Variants in PDPR observed in about 807,000 individuals in gnomAD.
PDPR encodes pyruvate dehydrogenase phosphatase regulatory subunit, mitochondrial.
In PDPR, 50 loss-of-function variants were observed where a neutral mutation model predicts 102.2. The observed-to-expected ratio is 0.49, with a 90% CI of 0.39 to 0.62. The LOEUF (loss-of-function observed/expected upper bound fraction) is 0.62. PDPR is among the 20% of genes least tolerant of loss of function. The pLI, the probability that PDPR is intolerant of heterozygous loss-of-function variation, is 0.00. For synonymous variants in PDPR, 259 were observed against 406.0 expected (o/e 0.64, Z 4.35); for missense variants, 625 against 1,098.2 (o/e 0.57, Z 6.09).
rs1967328018 is a variant in PDPR at position 70,157,297 on chromosome 16, C to T, written c.*418C>T. ...TTGGGTTCCATTTTCTTGGAGCAGCCTATTAGTTCTGGTGGGGTTGCCGTG... is the reference window on the plus strand; with the variant it reads ...TTGGGTTCCATTTTCTTGGAGCAGCTTATTAGTTCTGGTGGGGTTGCCGTG... On this transcript the variant is annotated 3_prime_UTR_variant, in exon 19 of 19. Coordinates refer to ENST00000288050, the MANE Select transcript of PDPR (RefSeq NM_017990.5). The T allele has an allele frequency of 2.3e-6, 1 of 436,122 alleles. No homozygotes were observed. The highest frequency in any genetic ancestry group is 2.6e-5 in the Admixed American group (1 of 38,262). 27.0% of individuals were successfully genotyped at this position (436,122 alleles called of 1,614,324 possible). A position where few individuals can be genotyped will look rare whatever the true frequency, so the allele number is the denominator to read the frequency against.
At chr16:70,156,454 G>T in intron 18 of PDPR, 21 bp from the exon 19 acceptor site, 1 of 1,610,856 alleles carries the variant, frequency 6.2e-7, no homozygotes, top group South Asian at 1.1e-5. Flanking sequence ...TGGATGACTC[G>T]GCGTTTCCTT....
intron 11 of PDPR, among the ~76,000 whole-genome samples, chr16:70,140,958 G>A (rs1220932031): frequency 6.6e-6 from 1 of 152,250 alleles, no homozygotes; most frequent in African/African-American, 2.4e-5. Context: ...AAGCCTTGAT[G>A]TGCCTTTTGT....
intron 9 of PDPR, among the ~76,000 whole-genome samples, chr16:70,134,251 A>C (rs1184968793): frequency 6.6e-6 from 1 of 151,914 alleles, no homozygotes; most frequent in Non-Finnish European, 1.5e-5. Context: ...TTTGAGATGG[A>C]GTCTTGCTCT....
chr16:70,119,129 G>C (rs1446116710), intron 2 of PDPR, among the ~76,000 whole-genome samples: 1 of 152,056 alleles, frequency 6.6e-6, no homozygotes, highest in African/African-American at 2.4e-5. Flanking sequence ...CTTGAAACTT[G>C]AACAGTCATC....
At chr16:70,145,042 C>T in intron 15 of PDPR, among the ~76,000 whole-genome samples, 1 of 152,194 alleles carries the variant, frequency 6.6e-6, no homozygotes, top group Non-Finnish European at 1.5e-5. Flanking sequence ...ATCATGAGGT[C>T]AGGAATTTGA....
chr16:70,156,717 A>G lies in PDPR; in HGVS notation c.2478A>G (p.Glu826=). Residue 826 remains glutamate, a synonymous_variant, in exon 19 of 19, where the codon GAA becomes GAG. Coordinates refer to ENST00000288050, the MANE Select transcript of PDPR (RefSeq NM_017990.5). ...ACAATTTTTCTGAGGACACGGGGGA[A>G]GAGCAAGTGGTGACAGCAGATTTCA... ...FVHNFSEDTG[E]EQVVTADFIN... 3 of 1,613,966 alleles carry G rather than the reference A, an allele frequency of 1.9e-6. No individual in the cohort carries two copies. Among genetic ancestry groups the G allele is most frequent in the Non-Finnish European group, 2.5e-6 (3 of 1,179,918 alleles).
chr16:70,156,285 C>T (rs1967177499), intron 18 of PDPR, 190 bp from the exon 19 acceptor site: 8 of 660,196 alleles, frequency 1.2e-5, no homozygotes, highest in East Asian at 2.8e-5. Flanking sequence ...ATTACCGCGG[C>T]GTCTTTTATA....
At chr16:70,146,326 A>G (rs1966238563) in intron 16 of PDPR, 98 bp downstream of exon 16, 6 of 1,585,390 alleles carry the variant, frequency 3.8e-6, no homozygotes, top group Middle Eastern at 1.7e-4. Context: ...AGCACCCACA[A>G]AGAGTGTCTT....
rs533545821 is a variant in PDPR at position 70,125,671 on chromosome 16, G to A, written c.228-1589G>A. ...TTTTTTTAAGATGGAGTCTTGCTCT[G>A]TCACCCAGGCTGTAGTGCAGTGGTG... On this transcript the variant is annotated intron_variant, in intron 3 of 18. Coordinates refer to ENST00000288050, the MANE Select transcript of PDPR (RefSeq NM_017990.5). Among the ~76,000 whole-genome samples, 4 of 150,182 alleles carry A rather than the reference G, an allele frequency of 2.7e-5. No homozygotes were observed. In the Admixed American group the frequency reaches 2.7e-4, roughly 10 times the overall value.
rs1306217313 is a variant in PDPR at position 70,120,587 on chromosome 16, C to T, written c.95C>T (p.Ala32Val). Residue 32 changes from alanine (A) to valine (V), a missense_variant, in exon 3 of 19, where the codon GCC becomes GTC. Coordinates refer to ENST00000288050, the MANE Select transcript of PDPR (RefSeq NM_017990.5). ...TCTGCAAGAAACAGCACGTCAGCTG[C>T]CGAGGCGCGTTCCATGGCCCTGCCC... ...WSSARNSTSA[A>V]EARSMALPTQ... 2 of 1,613,974 alleles carry T rather than the reference C, an allele frequency of 1.2e-6. No individual in the cohort carries two copies. Among genetic ancestry groups the T allele is most frequent in the Non-Finnish European group, 1.7e-6 (2 of 1,179,862 alleles).
intron 16 of PDPR, among the ~76,000 whole-genome samples, chr16:70,147,364 T>G (rs1230412491): frequency 2.0e-5 from 3 of 152,274 alleles, no homozygotes; most frequent in Admixed American, 1.3e-4. Context: ...TGGATTAAAA[T>G]TTGAAGTTAC....
At chr16:70,152,656 C>G (rs912586109) in intron 17 of PDPR, among the ~76,000 whole-genome samples, 9 of 152,412 alleles carry the variant, frequency 5.9e-5, no homozygotes, top group African/African-American at 2.2e-4. Flanking sequence ...TGGTTCTTTG[C>G]TACGTCTTGC....
At chr16:70,148,597 CT>C in intron 17 of PDPR, 44 bp downstream of exon 17, 1 of 1,345,114 alleles carries the variant, frequency 7.4e-7, no homozygotes, top group Non-Finnish European at 9.9e-7. Flanking sequence ...CTTCCCTTCC[CT>C]TCCCTTCCCT....
Position 70,157,066 on chromosome 16 carries a change from C to CA in PDPR, c.*188dup. The CA allele has an allele frequency of 1.2e-6, 1 of 816,220 alleles. No homozygotes were observed. The highest frequency in any genetic ancestry group is 2.0e-6 in the Non-Finnish European group (1 of 491,048). 50.6% of individuals were successfully genotyped at this position (816,220 alleles called of 1,614,324 possible). Reference sequence around the variant, plus strand: ...TGCTCTGCAGCCTTCCTTGCCCTTCCACCTCCTCCTCCTAATATTCACTCT... The same window carrying CA: ...TGCTCTGCAGCCTTCCTTGCCCTTCCAACCTCCTCCTCCTAATATTCACTCT... On this transcript the variant is annotated 3_prime_UTR_variant, in exon 19 of 19. Coordinates refer to ENST00000288050, the MANE Select transcript of PDPR (RefSeq NM_017990.5).
chr16:70,142,644 G>T lies in PDPR; in HGVS notation c.1563G>T (p.Val521=), dbSNP rs1417280274. The change falls in exon 13 of 19, where the codon GTG becomes GTT. Residue 521 remains valine, a synonymous_variant. Coordinates refer to ENST00000288050, the MANE Select transcript of PDPR (RefSeq NM_017990.5). ...AAGTCAAGTGCTGTAAGGAAGCTGT[G>T]TGTGTCATTGACATGTCCTCTTTCA... ...ESEVKCCKEA[V]CVIDMSSFTK... 6.2e-7 allele frequency: 1 copy of T among 1,614,100 alleles called. No individual in the cohort carries two copies. The highest frequency in any genetic ancestry group is 2.2e-5 in the East Asian group (1 of 44,892).
intron 3 of PDPR, among the ~76,000 whole-genome samples, chr16:70,124,224 G>A (rs1436895012): frequency 3.9e-5 from 6 of 152,344 alleles, no homozygotes; most frequent in Admixed American, 2.0e-4. Flanking sequence ...TTAGCTGGGC[G>A]TGGTGGCATA....
intron 11 of PDPR, among the ~76,000 whole-genome samples, chr16:70,141,595 T>G (rs1389646314): frequency 6.6e-6 from 1 of 152,298 alleles, no homozygotes; most frequent in Non-Finnish European, 1.5e-5. Context: ...TTAGTAACCT[T>G]CTTCTCTGCT....
intron 2 of PDPR, among the ~76,000 whole-genome samples, chr16:70,119,710 C>T (rs1963018623): frequency 6.7e-6 from 1 of 149,952 alleles, no homozygotes; most frequent in South Asian, 2.1e-4. Context: ...AAATATGCCC[C>T]TAGTTACTCT....
At chr16:70,139,807 C>T (rs1270001318) in intron 11 of PDPR, among the ~76,000 whole-genome samples, 1 of 152,244 alleles carries the variant, frequency 6.6e-6, no homozygotes, top group East Asian at 1.9e-4. Flanking sequence ...ATATTTTGGG[C>T]ATACTTATGC....
Sources: allele counts gnomAD v4.1 joint callset (sites outside exome capture counted in the v4.1 genomes callset), GRCh38; gene constraint gnomAD v4.1.1; transcripts MANE v1.5; gene names NCBI Gene and HGNC (gene_info 2026-07-23, HGNC 2026-07-21).